Variants in COL8A1 observed in about 807,000 individuals in gnomAD.
COL8A1 encodes the protein collagen type VIII alpha 1 chain, also known as collagen alpha-1(VIII) chain.
A neutral mutation model predicts 42.7 loss-of-function variants in COL8A1; 21 were observed. The ratio of observed to expected loss-of-function variants is 0.49; its 90% CI spans 0.35 to 0.71. COL8A1 has a LOEUF of 0.71. Among genes scored for constraint, COL8A1 ranks in the 30% least tolerant of loss-of-function variants. The pLI is 0.01. For missense variants in COL8A1, 788 were observed against 962.4 expected, an observed-to-expected ratio of 0.82 and a Z score of 2.40; for synonymous variants, 367 against 369.1, an observed-to-expected ratio of 0.99 and a Z score of 0.06.
chr3:99,786,912 T>C (rs1486830569), intron 2 of COL8A1, among the ~76,000 whole-genome samples: 2 of 152,144 alleles, frequency 1.3e-5, no homozygotes, highest in Admixed American at 1.3e-4. Flanking sequence ...TTTCCCTTGC[T>C]TTAGGGTGGC....
At chr3:99,750,450 C>T (rs1941122071) in intron 2 of COL8A1, among the ~76,000 whole-genome samples, 1 of 151,762 alleles carries the variant, frequency 6.6e-6, no homozygotes, top group Non-Finnish European at 1.5e-5. Context: ...AGTTTTGTGC[C>T]CTCATGTATA....
At chr3:99,732,083 C>A (rs149034640) in intron 1 of COL8A1, among the ~76,000 whole-genome samples, 1 of 152,196 alleles carries the variant, frequency 6.6e-6, no homozygotes, top group African/African-American at 2.4e-5. Context: ...TTTCGGACTT[C>A]CAGACTCCAG....
chr3:99,744,539 A>T (rs531736220), intron 1 of COL8A1, among the ~76,000 whole-genome samples: 1 of 152,374 alleles, frequency 6.6e-6, no homozygotes, highest in African/African-American at 2.4e-5. Context: ...TTGTTTAAAA[A>T]GTTGACCCTT....
At position 99,795,461 on chromosome 3, in the gene COL8A1, G is replaced by T; in HGVS notation, c.1560G>T (p.Glu520Asp). ...GPPGIPGPKGEPGLPGPPGFP... is the reference protein window; with the variant it reads ...GPPGIPGPKGDPGLPGPPGFP... ...CTGGGATTCCAGGCCCCAAAGGGGA[G>T]CCGGGCCTCCCAGGGCCCCCTGGGT... is the stretch of plus-strand genomic sequence containing the variant. The change falls in exon 4 of 4, where the codon GAG becomes GAT. Residue 520 changes from glutamate to aspartate, a missense_variant. Transcript: ENST00000652472. 6.6e-7 allele frequency: 1 copy of T among 1,525,390 alleles called. No individual in the cohort carries two copies. Among genetic ancestry groups the T allele is most frequent in the Non-Finnish European group, 8.8e-7 (1 of 1,134,580 alleles). 94.5% of individuals were successfully genotyped at this position (1,525,390 alleles called of 1,614,324 possible).
Position 99,790,846 on chromosome 3 carries a change from G to C in COL8A1, c.164G>C (p.Gly55Ala), listed in dbSNP as rs1156545740. 1.9e-6 allele frequency: 3 copies of C among 1,614,224 alleles called. No homozygotes were observed. In the South Asian group the frequency reaches 3.3e-5, roughly 18 times the overall value. The change falls in exon 3 of 4, where the codon GGT becomes GCT. Residue 55 changes from glycine to alanine, a missense_variant. Coordinates refer to ENST00000652472, the MANE Select transcript of COL8A1 (RefSeq NM_020351.4). ...PPQIPQYQPL[G>A]QQVPHMPLAK... ...CAAATTCCACAATACCAGCCCCTGGGTCAGCAAGTACCTCACATGCCTTTG... is the reference window on the plus strand; with the variant it reads ...CAAATTCCACAATACCAGCCCCTGGCTCAGCAAGTACCTCACATGCCTTTG...
At chr3:99,787,880 A>ACACC (rs1431500043) in intron 2 of COL8A1, among the ~76,000 whole-genome samples, 1 of 150,056 alleles carries the variant, frequency 6.7e-6, no homozygotes, top group Non-Finnish European at 1.5e-5. Flanking sequence ...ACACACCCAC[A>ACACC]CCCACACACA....
At chr3:99,658,791 G>A (rs753175724) in intron 1 of COL8A1, among the ~76,000 whole-genome samples, 31 of 152,184 alleles carry the variant, frequency 2.0e-4, no homozygotes, top group African/African-American at 5.3e-4. Flanking sequence ...AGTGCAAGGC[G>A]GGAAGAACAA....
chr3:99,740,681 G>A (rs1940874236), intron 1 of COL8A1, among the ~76,000 whole-genome samples: 1 of 152,144 alleles, frequency 6.6e-6, no homozygotes, highest in Non-Finnish European at 1.5e-5. Flanking sequence ...TTCAAGATGA[G>A]ATTTGGGTGA....
intron 2 of COL8A1, among the ~76,000 whole-genome samples, chr3:99,789,173 T>C (rs1314662348): frequency 6.6e-6 from 1 of 152,182 alleles, no homozygotes; most frequent in African/African-American, 2.4e-5. Flanking sequence ...TTGTAGCCTG[T>C]ATACACTCTT....
intron 1 of COL8A1, among the ~76,000 whole-genome samples, chr3:99,639,816 AG>A (rs1937470161): frequency 6.6e-6 from 1 of 152,226 alleles, no homozygotes; most frequent in Non-Finnish European, 1.5e-5. Context: ...CACTTAGAGA[AG>A]GCAAACCAAA....
chr3:99,783,647 G>A (rs1306095531), intron 2 of COL8A1, among the ~76,000 whole-genome samples: 1 of 152,214 alleles, frequency 6.6e-6, no homozygotes, highest in Non-Finnish European at 1.5e-5. Context: ...CATGGCTGGG[G>A]AGGCCTCAAG....
At chr3:99,731,375 A>G (rs1940504994) in intron 1 of COL8A1, among the ~76,000 whole-genome samples, 1 of 152,162 alleles carries the variant, frequency 6.6e-6, no homozygotes, top group African/African-American at 2.4e-5. Flanking sequence ...GCAAAGCCCT[A>G]TAAGTAAGGA....
chr3:99,773,636 C>T (rs546243251), intron 2 of COL8A1, among the ~76,000 whole-genome samples: 11 of 150,714 alleles, frequency 7.3e-5, no homozygotes, highest in South Asian at 2.1e-4. Context: ...GGTACTTTAA[C>T]GAATGCTGGA....
At chr3:99,691,043 A>G (rs1202655613) in intron 1 of COL8A1, among the ~76,000 whole-genome samples, 3 of 152,222 alleles carry the variant, frequency 2.0e-5, no homozygotes, top group Non-Finnish European at 4.4e-5. Context: ...ACAGGATACC[A>G]AAAGGCTGAC....
chr3:99,640,974 C>T (rs1469297004), intron 1 of COL8A1, among the ~76,000 whole-genome samples: 1 of 152,112 alleles, frequency 6.6e-6, no homozygotes, highest in Non-Finnish European at 1.5e-5. Flanking sequence ...TGAGAAGCTG[C>T]CGCTTTCACT....
At position 99,795,117 on chromosome 3, in the gene COL8A1, G is replaced by A. The variant is rs1942078112; in HGVS notation, c.1216G>A (p.Ala406Thr). Residue 406 changes from alanine to threonine, a missense_variant, in exon 4 of 4, where the codon GCT becomes ACT. Ala to Thr is a moderately conservative substitution (Grantham distance 58, BLOSUM62 0). Around this residue, in one of 4 missense-constraint regions of COL8A1, gnomAD observed 421 missense variants for 553.1 expected, o/e 0.76. Coordinates refer to ENST00000652472, the MANE Select transcript of COL8A1 (RefSeq NM_020351.4). The part of the protein sequence containing the change: ...GIPGPMGPPG[A>T]IGFPGPKGEG... ...CCCAGGTCCTATGGGCCCTCCAGGTGCTATTGGTTTTCCTGGACCCAAAGG... is the reference window on the plus strand; with the variant it reads ...CCCAGGTCCTATGGGCCCTCCAGGTACTATTGGTTTTCCTGGACCCAAAGG... The A allele has an allele frequency of 1.2e-6, 2 of 1,613,560 alleles. No individual in the cohort carries two copies. Among genetic ancestry groups the A allele is most frequent in the Non-Finnish European group, 1.7e-6 (2 of 1,179,768 alleles).
At chr3:99,653,844 C>T (rs2107292751) in intron 1 of COL8A1, among the ~76,000 whole-genome samples, 1 of 151,888 alleles carries the variant, frequency 6.6e-6, no homozygotes. Flanking sequence ...TTGTATTAGT[C>T]AGGGTTCTCT....
chr3:99,747,661 T>C (rs1229125828), intron 2 of COL8A1, among the ~76,000 whole-genome samples: 2 of 152,206 alleles, frequency 1.3e-5, no homozygotes, highest in African/African-American at 2.4e-5. Context: ...TAAACTCCAA[T>C]TTTTGATGAC....
chr3:99,711,835 A>C (rs2107358170), intron 1 of COL8A1, among the ~76,000 whole-genome samples: 1 of 152,310 alleles, frequency 6.6e-6, no homozygotes, highest in African/African-American at 2.4e-5. Context: ...AAAAATAGTC[A>C]GCAACATAGG....
Sources: allele counts gnomAD v4.1 joint callset (sites outside exome capture counted in the v4.1 genomes callset), GRCh38; gene constraint gnomAD v4.1.1; regional missense constraint gnomAD v4.1.1; transcripts MANE v1.5; gene names NCBI Gene and HGNC (gene_info 2026-07-23, HGNC 2026-07-21).